EPG5: variants seen among roughly 807,000 people sequenced by gnomAD.
The protein encoded by EPG5 is ectopic P granules protein 5 homolog.
Under a neutral mutation model 302.7 loss-of-function variants are expected in EPG5, and 159 were observed. The ratio of observed to expected loss-of-function variants is 0.53; its 90% confidence interval spans 0.46 to 0.60. The LOEUF (loss-of-function observed/expected upper bound fraction) is 0.60. Ranked by LOEUF, EPG5 falls within the 20% of genes least tolerant of loss-of-function variation. The pLI is 0.00. For missense variants in EPG5, 2,896 were observed against 3,092.4 expected (o/e 0.94, Z 1.51); for synonymous variants, 1,158 against 1,136.8 (o/e 1.02, Z -0.37).
At chr18:45,944,212 G>A (rs1599628708) in intron 7 of EPG5, 93 bp from the exon 8 acceptor site, 15 of 759,000 alleles carry the variant, frequency 2.0e-5, no homozygotes, top group East Asian at 2.5e-5. Context: ...AGGTCTCAAT[G>A]GTATACATGT....
At chr18:45,869,220 A>G (rs1316435095) in intron 36 of EPG5, among the ~76,000 whole-genome samples, 1 of 152,154 alleles carries the variant, frequency 6.6e-6, no homozygotes, top group Non-Finnish European at 1.5e-5. Flanking sequence ...GCTCTAGTCT[A>G]TTTATAAAAT....
chr18:45,900,295 G>A (rs907697690), intron 26 of EPG5, among the ~76,000 whole-genome samples: 2 of 151,770 alleles, frequency 1.3e-5, no homozygotes, highest in Admixed American at 6.6e-5. Flanking sequence ...CCAGCTACTC[G>A]GGAGGCTGAG....
intron 28 of EPG5, among the ~76,000 whole-genome samples, chr18:45,888,335 A>C (rs2049263359): frequency 6.6e-6 from 1 of 151,090 alleles, no homozygotes; most frequent in African/African-American, 2.4e-5. Flanking sequence ...ACGGAGTCTC[A>C]CTCTGTCACC....
rs1225206726 is a variant in EPG5, at chr18:45,899,470, T to G, written c.4743A>C (p.Thr1581=). The G allele has an allele frequency of 6.2e-7, 1 of 1,614,110 alleles. No homozygotes were observed. Among genetic ancestry groups the G allele is most frequent in the Admixed American group, 1.7e-5 (1 of 60,006 alleles). The part of the protein sequence containing the change: ...KQYVNREEQT[T]LHLECRGSSG... ...TGCTGCCTCTGCACTCCAAATGTAG[T>G]GTGGTCTGTTCTTCACGATTCACAT... The change falls in exon 27 of 44, where the codon ACA becomes ACC. Residue 1581 remains threonine (T), a synonymous_variant. Coordinates refer to ENST00000282041, the MANE Select transcript of EPG5 (RefSeq NM_020964.3).
At chr18:45,813,424 C>T in the EPG5 span, among the ~76,000 whole-genome samples, 2 of 152,094 alleles carry the variant, frequency 1.3e-5, no homozygotes, top group Admixed American at 6.6e-5. Flanking sequence ...GGGTATATAC[C>T]CAAATGATTA....
chr18:45,822,272 A>C, the EPG5 span, among the ~76,000 whole-genome samples: 14 of 152,356 alleles, frequency 9.2e-5, no homozygotes, highest in African/African-American at 3.4e-4. Context: ...GAGGACATTA[A>C]GTGAAATAAG....
At chr18:45,932,779 T>C (rs1326163170) in intron 11 of EPG5, among the ~76,000 whole-genome samples, 2 of 152,134 alleles carry the variant, frequency 1.3e-5, no homozygotes, top group African/African-American at 2.4e-5. Context: ...CTAACTCCTG[T>C]GTCAGGTGAT....
chr18:45,810,772 C>T, the EPG5 span, among the ~76,000 whole-genome samples: 15 of 152,106 alleles, frequency 9.9e-5, no homozygotes, highest in Admixed American at 9.8e-4. Flanking sequence ...CAGAGTGGGA[C>T]TCTGTCTAAC....
the EPG5 span, among the ~76,000 whole-genome samples, chr18:45,817,642 C>T: frequency 6.6e-6 from 1 of 152,228 alleles, no homozygotes; most frequent in Non-Finnish European, 1.5e-5. Context: ...GTCTCAGGCC[C>T]TCACTGCTAT....
intron 7 of EPG5, among the ~76,000 whole-genome samples, chr18:45,944,813 C>G (rs2050751660): frequency 6.6e-6 from 1 of 152,124 alleles, no homozygotes; most frequent in South Asian, 2.1e-4. Context: ...ATTCTCTTCT[C>G]CCAAAATCAA....
chr18:45,806,455 G>A, the EPG5 span, among the ~76,000 whole-genome samples: 1 of 152,072 alleles, frequency 6.6e-6, no homozygotes, highest in Non-Finnish European at 1.5e-5. Flanking sequence ...AAACCTCACA[G>A]GACCCACAGA....
chr18:45,838,664 A>G, the EPG5 span: 1 of 1,471,006 alleles, frequency 6.8e-7, no homozygotes, highest in Non-Finnish European at 8.9e-7. Context: ...CTGGCGTCCA[A>G]AGGGCTAAGG....
chr18:45,943,941 A>G (rs1420456041), intron 8 of EPG5, 64 bp downstream of exon 8: 20 of 1,053,964 alleles, frequency 1.9e-5, no homozygotes, highest in South Asian at 5.2e-5. Flanking sequence ...AGAAGACTCA[A>G]TGCAGAGTTC....
rs764666107 is a variant in EPG5, at chr18:45,882,372, A to G, written c.5420T>C (p.Ile1807Thr). ...ACAGAAAAGATTAAATGGCATCAAA[A>G]TATCCTCATCTGGTTCAAGGCCCCA... is the stretch of plus-strand genomic sequence containing the variant. Reference protein sequence around the residue: ...TAWGLEPDEDILMPFNLFCKH... With the variant: ...TAWGLEPDEDTLMPFNLFCKH... The change falls in exon 31 of 44, where the codon ATT becomes ACT. Residue 1807 changes from isoleucine (I) to threonine (T), a missense_variant. By Grantham distance (89) the Ile-to-Thr change is moderately conservative (BLOSUM62 -1). This residue lies in a region of EPG5 where 790 missense variants were observed against 798.0 expected (regional missense o/e 0.99). Transcript: ENST00000282041. 11 of 1,614,238 alleles carry G rather than the reference A, an allele frequency of 6.8e-6. No homozygotes were observed. The highest frequency in any genetic ancestry group is 9.3e-6 in the Non-Finnish European group (11 of 1,180,038).
chr18:45,894,344 C>T (rs2049421472), intron 27 of EPG5, among the ~76,000 whole-genome samples: 1 of 151,976 alleles, frequency 6.6e-6, no homozygotes, highest in South Asian at 2.1e-4. Context: ...CCTGTAATCC[C>T]GGCTACTCAG....
At position 45,866,823 on chromosome 18, in the gene EPG5, A is replaced by G. The variant is rs770089846; in HGVS notation, c.6596T>C (p.Ile2199Thr). 6.2e-7 allele frequency: 1 copy of G among 1,614,084 alleles called. No homozygotes were observed. Among genetic ancestry groups the G allele is most frequent in the East Asian group, 2.2e-5 (1 of 44,882 alleles). ...KLLKVSAGLS[I>T]PTDSQKHLDA... is the part of the protein sequence containing the mutation. ...AAGATGCTTCTGGCTGTCAGTAGGA[A>G]TAGAAAGGCCCGCAGACACTTTTAG... The change falls in exon 38 of 44, where the codon ATT (isoleucine) becomes ACT (threonine). Residue 2199 changes from isoleucine to threonine, a missense_variant. Ile to Thr is a moderately conservative substitution (Grantham distance 89). Around this residue, in one of 5 missense-constraint regions of EPG5, gnomAD observed 620 missense variants for 704.2 expected, o/e 0.88. Coordinates refer to ENST00000282041, the MANE Select transcript of EPG5 (RefSeq NM_020964.3).
Position 45,910,666 on chromosome 18 carries a change from T to C in EPG5, c.4060A>G (p.Arg1354Gly). The change falls in exon 23 of 44, where the codon AGA becomes GGA. Residue 1354 changes from arginine to glycine, a missense_variant. Coordinates refer to ENST00000282041, the MANE Select transcript of EPG5 (RefSeq NM_020964.3). ...AHINLLKEMK[R>G]RLTEVADFHH... ...AAGTCAGCCACCTCGGTCAAACGTC[T>C]CTTCATTTCTTTCAACAAATTGATA... The C allele has an allele frequency of 1.2e-6, 2 of 1,614,200 alleles. No homozygotes were observed. The highest frequency in any genetic ancestry group is 1.7e-6 in the Non-Finnish European group (2 of 1,180,038).
At chr18:45,911,657 G>A (rs1375734235) in intron 22 of EPG5, among the ~76,000 whole-genome samples, 1 of 151,802 alleles carries the variant, frequency 6.6e-6, no homozygotes, top group Non-Finnish European at 1.5e-5. Context: ...GGCTTGTCTC[G>A]AACTCTTGAC....
At chr18:45,890,775 T>C (rs548058510) in intron 27 of EPG5, among the ~76,000 whole-genome samples, 38 of 152,242 alleles carry the variant, frequency 2.5e-4, no homozygotes, top group African/African-American at 7.2e-4. Context: ...TGGGCCCAGA[T>C]TGCAACACAA....
Sources: allele counts gnomAD v4.1 joint callset (sites outside exome capture counted in the v4.1 genomes callset), GRCh38; gene constraint gnomAD v4.1.1; regional missense constraint gnomAD v4.1.1; transcripts MANE v1.5; gene names NCBI Gene and HGNC (gene_info 2026-07-23, HGNC 2026-07-21).